POLR1A: variants seen among roughly 807,000 people sequenced by gnomAD.
POLR1A encodes RNA polymerase I subunit A.
In POLR1A, 84 loss-of-function variants were observed where a neutral mutation model predicts 205.3. That is an observed-to-expected ratio of 0.41 (90% CI 0.34 to 0.49). The LOEUF (loss-of-function observed/expected upper bound fraction) is 0.49. POLR1A is among the 20% of genes least tolerant of loss of function. POLR1A has a pLI of 0.22. For missense variants in POLR1A, 1,645 were observed against 2,204.5 expected, an observed-to-expected ratio of 0.75 and a Z score of 5.08; for synonymous variants, 799 against 863.7, an observed-to-expected ratio of 0.93 and a Z score of 1.31.
At position 86,027,482 on chromosome 2, in the gene POLR1A, C is replaced by T. The variant is rs1054654186; in HGVS notation, c.5104G>A (p.Val1702Ile). 9.3e-6 allele frequency: 15 copies of T among 1,614,100 alleles called. No individual in the cohort carries two copies. Among genetic ancestry groups the T allele is most frequent in the Non-Finnish European group, 1.2e-5 (14 of 1,180,044 alleles). The change falls in exon 34 of 34, where the codon GTC becomes ATC. Residue 1702 changes from valine (V) to isoleucine (I), a missense_variant. Physicochemically the swap from Val to Ile is conservative, Grantham distance 29. Around this residue, in one of 16 missense-constraint regions of POLR1A, gnomAD observed 86 missense variants for 149.8 expected, o/e 0.57. Coordinates refer to ENST00000263857, the MANE Select transcript of POLR1A (RefSeq NM_015425.6). The stretch of plus-strand genomic sequence containing the variant: ...GTCCCGCCCCTGACGACCTTCCCGA[C>T]CACAAGGCAGGCAGAAGGAGACCTC... Reference protein sequence around the residue: ...ELRSPSACLVVGKVVRGGTGL... With the variant: ...ELRSPSACLVIGKVVRGGTGL...
chr2:86,078,473 T>C (rs140190849), intron 9 of POLR1A, among the ~76,000 whole-genome samples, 189 bp from the exon 10 acceptor site: 16 of 152,326 alleles, frequency 1.1e-4, no homozygotes, highest in African/African-American at 3.6e-4. Flanking sequence ...ATAAGACATA[T>C]CAGCACTATT....
chr2:86,030,187 C>A lies in POLR1A; in HGVS notation c.4779+9G>T, dbSNP rs762116364. ...GCTTTGTCCCAGGCCAGCAGACAGC[C>A]TGTCTTACCTCTGCATACTTGAATA... On this transcript the variant is annotated intron_variant, in intron 31 of 33. Transcript: ENST00000263857. 1 of 1,610,828 alleles carries A rather than the reference C, an allele frequency of 6.2e-7. No individual in the cohort carries two copies. Among genetic ancestry groups the A allele is most frequent in the Non-Finnish European group, 8.5e-7 (1 of 1,177,046 alleles).
chr2:86,086,751 G>A (rs1355320800), intron 6 of POLR1A, among the ~76,000 whole-genome samples: 2 of 152,240 alleles, frequency 1.3e-5, no homozygotes, highest in Non-Finnish European at 2.9e-5. Context: ...TGAAGGCATT[G>A]AAAGGCTACT....
At chr2:86,073,396 G>A (rs535626057) in intron 12 of POLR1A, among the ~76,000 whole-genome samples, 3 of 152,076 alleles carry the variant, frequency 2.0e-5, no homozygotes, top group Non-Finnish European at 2.9e-5. Flanking sequence ...CATGGCCCAG[G>A]ACCACAGAAA....
rs1042083365 is a variant in POLR1A at position 86,066,996 on chromosome 2, T to C, written c.1867-1531A>G. 2.0e-5 allele frequency among the ~76,000 whole-genome samples: 3 copies of C among 152,332 alleles called. No individual in the cohort carries two copies. In the East Asian group the frequency reaches 5.8e-4, roughly 29 times the overall value. On this transcript the variant is annotated intron_variant, in intron 13 of 33. Transcript: ENST00000263857. Reference sequence around the variant, plus strand: ...GTCTTTGGGGGGCAGATACTGATTTTTCCTTTTGTTTTTTTCCTTAAAGAA... The same window carrying C: ...GTCTTTGGGGGGCAGATACTGATTTCTCCTTTTGTTTTTTTCCTTAAAGAA...
At chr2:86,072,106 G>A (rs983734625) in intron 12 of POLR1A, among the ~76,000 whole-genome samples, 1 of 152,194 alleles carries the variant, frequency 6.6e-6, no homozygotes, top group Non-Finnish European at 1.5e-5. Flanking sequence ...TGTTCAGTGA[G>A]GTTAAAAGTT....
At position 86,028,305 on chromosome 2, in the gene POLR1A, T is replaced by A. The variant is rs1036224970; in HGVS notation, c.4898-256A>T. 1.3e-5 allele frequency among the ~76,000 whole-genome samples: 2 copies of A among 152,202 alleles called. No homozygotes were observed. Among genetic ancestry groups the A allele is most frequent in the African/African-American group, 4.8e-5 (2 of 41,444 alleles). ...AGGATCTAACCGCACTGTTTTCACT[T>A]GGGAACTGAAACCCCAAAGGCAGGA... is the stretch of plus-strand genomic sequence containing the variant. On this transcript the variant is annotated intron_variant, in intron 32 of 33. Transcript: ENST00000263857. The surrounding 1 kb of genome is among the most constrained non-coding windows in gnomAD (Gnocchi z 4.5).
Position 86,078,273 on chromosome 2 carries a change from A to C in POLR1A, c.1098T>G (p.Ser366=). 1 of 1,570,528 alleles carries C rather than the reference A, an allele frequency of 6.4e-7. No individual in the cohort carries two copies. Among genetic ancestry groups the C allele is most frequent in the Non-Finnish European group, 8.6e-7 (1 of 1,163,204 alleles). The change falls in exon 10 of 34, where the codon TCT becomes TCG. Residue 366 remains serine (S), a synonymous_variant. Transcript: ENST00000263857. ...ATPTTDEEKD[S]LIAIDRSFLS... Reference sequence around the variant, plus strand: ...AAAAGGATCGGTCAATAGCAATCAAAGAGTCTTTTTCCTGGAAGATGAAAC... The same window carrying C: ...AAAAGGATCGGTCAATAGCAATCAACGAGTCTTTTTCCTGGAAGATGAAAC...
rs1672856409 is a variant in POLR1A, at chr2:86,054,203, G to A, written c.2145C>T (p.Ala715=). The change falls in exon 15 of 34, where the codon GCC becomes GCT. Residue 715 remains alanine (A), a synonymous_variant. Transcript: ENST00000263857. ...CGGATCGAGGAGTTTCCTTCACCCA[G>A]GCTTTCCCAGTGATTTTCGCCTTTC... ...LSGKAKITGK[A]WVKETPRSVP... 1 of 1,613,840 alleles carries A rather than the reference G, an allele frequency of 6.2e-7. No homozygotes were observed. The highest frequency in any genetic ancestry group is 1.3e-5 in the African/African-American group (1 of 74,908).
intron 3 of POLR1A, among the ~76,000 whole-genome samples, chr2:86,091,851 C>A (rs890667087): frequency 6.6e-6 from 1 of 152,158 alleles, no homozygotes; most frequent in Admixed American, 6.5e-5. Context: ...CGGTGGCTCA[C>A]ACCTGTAATC....
chr2:86,058,683 A>G (rs183424916), intron 14 of POLR1A, among the ~76,000 whole-genome samples: 4 of 152,244 alleles, frequency 2.6e-5, no homozygotes, highest in Admixed American at 2.0e-4. Flanking sequence ...CAAGAAGGGC[A>G]GCAATATCTA....
intron 13 of POLR1A, among the ~76,000 whole-genome samples, chr2:86,068,852 C>T (rs1028673190): frequency 1.3e-5 from 2 of 152,174 alleles, no homozygotes; most frequent in African/African-American, 4.8e-5. Context: ...CTGATTCCTT[C>T]GTGGCAGACG....
chr2:86,100,904 C>T (rs913405908), intron 1 of POLR1A, among the ~76,000 whole-genome samples: 6 of 152,012 alleles, frequency 3.9e-5, no homozygotes, highest in African/African-American at 4.8e-5. Flanking sequence ...TTTCAGAGGA[C>T]GAAACCAAGG....
Position 86,025,976 on chromosome 2 carries a change from A to AG in POLR1A, c.*1446dup, listed in dbSNP as rs577868371. 15 of 152,298 alleles carry AG rather than the reference A, an allele frequency of 9.8e-5. No individual in the cohort carries two copies. Among genetic ancestry groups the AG allele is most frequent in the African/African-American group, 3.6e-4 (15 of 41,540 alleles). The allele number at this position is 152,298 out of a possible 1,614,324, so 9.4% of individuals were successfully genotyped here. ...AGGCTGGGTCCTATTGCATGGATGT[A>AG]GGGAGCAACATGGTCACTCTCCCTT... On this transcript the variant is annotated 3_prime_UTR_variant, in exon 34 of 34. Coordinates refer to ENST00000263857, the MANE Select transcript of POLR1A (RefSeq NM_015425.6).
chr2:86,039,839 G>T (rs1330318724), intron 25 of POLR1A, among the ~76,000 whole-genome samples: 1 of 152,224 alleles, frequency 6.6e-6, no homozygotes, highest in Admixed American at 6.5e-5. Context: ...TGGATGTATA[G>T]TGGGTCCCAG....
rs1168960442 is a variant in POLR1A at position 86,046,804 on chromosome 2, C to T, written c.2733+361G>A. ...AAGATTGCGCCACTGCACTCCAGCC[C>T]GGTGACAGAGCAAGACTTCATCTCG... On this transcript the variant is annotated intron_variant, in intron 19 of 33. Coordinates refer to ENST00000263857, the MANE Select transcript of POLR1A (RefSeq NM_015425.6). Among the ~76,000 whole-genome samples, 7 of 151,104 alleles carry T rather than the reference C, an allele frequency of 4.6e-5. 1 individual carries two copies. Among genetic ancestry groups the T allele is most frequent in the Non-Finnish European group, 1.0e-4 (7 of 67,854 alleles).
In POLR1A at chr2:86,039,316, A is replaced by G. The variant is rs1336018479; in HGVS notation, c.3876+11T>C. On this transcript the variant is annotated intron_variant, in intron 26 of 33. Coordinates refer to ENST00000263857, the MANE Select transcript of POLR1A (RefSeq NM_015425.6). ...TCACCCCGTCTGCAACCTGGGAAGG[A>G]GAGACGTTACCTCCCCCAAGCACAC... 1 of 1,613,516 alleles carries G rather than the reference A, an allele frequency of 6.2e-7. No individual in the cohort carries two copies.
rs1342023987 is a variant in POLR1A at position 86,023,756 on chromosome 2, T to G, written c.*3667A>C. On this transcript the variant is annotated 3_prime_UTR_variant, in exon 34 of 34. Transcript: ENST00000263857. ...AGGAAAGCAGGGTCTGAGTTTTTGT[T>G]TTTTTTTTTTTTTGAGACGGAATCT... 2 of 16,722 alleles carry G rather than the reference T, an allele frequency of 1.2e-4. No homozygotes were observed. The highest frequency in any genetic ancestry group is 2.0e-3 in the African/African-American group (2 of 1,014). 1.0% of individuals were successfully genotyped at this position (16,722 alleles called of 1,614,324 possible). A position where few individuals can be genotyped will look rare whatever the true frequency, so the allele number is the denominator to read the frequency against.
intron 29 of POLR1A, 83 bp from the exon 30 acceptor site, chr2:86,031,718 A>G (rs1672398819): frequency 6.5e-7 from 1 of 1,542,554 alleles, no homozygotes; most frequent in Non-Finnish European, 8.7e-7. Flanking sequence ...AGACCCCTGC[A>G]AAGCCTTGGC....
Sources: gnomAD v4.1 joint callset for allele counts (sites outside exome capture counted in the v4.1 genomes callset) on GRCh38, gnomAD v4.1.1 for gene constraint, gnomAD v4.1.1 regional missense constraint, Gnocchi (gnomAD v3.1) non-coding constraint, MANE v1.5 for transcripts, NCBI Gene and HGNC (gene_info 2026-07-23, HGNC 2026-07-21) for gene names.